SLC71A1: variants seen among roughly 807,000 people sequenced by gnomAD.
The protein encoded by SLC71A1 is solute carrier family 71 member 1, also known as hippocampus abundant gene transcript 1.
chr1:100,054,183 A>G, the SLC71A1 span, among the ~76,000 whole-genome samples: 1 of 151,530 alleles, frequency 6.6e-6, no homozygotes, highest in African/African-American at 2.4e-5. Context: ...CTGGAATTAC[A>G]GGTGCATGTC....
chr1:100,039,504 T>C, the SLC71A1 span, among the ~76,000 whole-genome samples: 3 of 152,242 alleles, frequency 2.0e-5, no homozygotes, highest in Admixed American at 2.0e-4. Context: ...AGTTTAACGT[T>C]TATTATATGT....
At chr1:100,049,953 C>T in the SLC71A1 span, 2 of 1,610,732 alleles carry the variant, frequency 1.2e-6, no homozygotes. Context: ...CAGTTATCGT[C>T]ATCTTTTTGG....
the SLC71A1 span, among the ~76,000 whole-genome samples, chr1:100,053,100 T>G: frequency 1.1e-3 from 167 of 152,354 alleles, no homozygotes; most frequent in African/African-American, 3.7e-3. Context: ...ATCTACTTTT[T>G]AGAAGTGACC....
the SLC71A1 span, among the ~76,000 whole-genome samples, chr1:100,060,182 T>C: frequency 6.6e-6 from 1 of 152,228 alleles, no homozygotes; most frequent in African/African-American, 2.4e-5. Flanking sequence ...AGGTAATAGT[T>C]CATAAAGATT....
At chr1:100,052,006 A>G in the SLC71A1 span, among the ~76,000 whole-genome samples, 1 of 152,180 alleles carries the variant, frequency 6.6e-6, no homozygotes, top group South Asian at 2.1e-4. Flanking sequence ...TCTGACAGTA[A>G]GCTGCAGTGT....
the SLC71A1 span, chr1:100,038,129 G>A: frequency 4.0e-6 from 4 of 999,238 alleles, no homozygotes; most frequent in Non-Finnish European, 6.1e-6. Flanking sequence ...GGCGGCGGGC[G>A]CCCAGAGCGG....
the SLC71A1 span, among the ~76,000 whole-genome samples, chr1:100,073,586 A>G: frequency 3.3e-5 from 5 of 152,082 alleles, no homozygotes; most frequent in African/African-American, 1.2e-4. Context: ...GCCCTGTTTT[A>G]TTTTGTTCAT....
chr1:100,083,334 C>CTGTT, the SLC71A1 span: 1 of 152,282 alleles, frequency 6.6e-6, no homozygotes, highest in Non-Finnish European at 1.5e-5. Flanking sequence ...TGTAAATATT[C>CTGTT]TGTTAATAAA....
chr1:100,075,143 T>G, the SLC71A1 span, among the ~76,000 whole-genome samples: 2 of 152,324 alleles, frequency 1.3e-5, no homozygotes, highest in Non-Finnish European at 2.9e-5. Flanking sequence ...AAGTGTCAGC[T>G]TTCTTAGACT....
At chr1:100,048,511 A>G in the SLC71A1 span, among the ~76,000 whole-genome samples, 3 of 152,022 alleles carry the variant, frequency 2.0e-5, no homozygotes, top group East Asian at 5.8e-4. Flanking sequence ...TTATATTACT[A>G]TGCTTGTTCC....
the SLC71A1 span, among the ~76,000 whole-genome samples, chr1:100,065,115 C>T: frequency 6.6e-6 from 1 of 152,150 alleles, no homozygotes; most frequent in African/African-American, 2.4e-5. Flanking sequence ...CTCAAGTGAT[C>T]TGCCTGTCTC....
At chr1:100,060,364 AG>A in the SLC71A1 span, among the ~76,000 whole-genome samples, 4 of 152,240 alleles carry the variant, frequency 2.6e-5, no homozygotes, top group Admixed American at 2.6e-4. Context: ...TATATTAGTT[AG>A]GAATAGGTTT....
At chr1:100,059,239 AC>A in the SLC71A1 span, among the ~76,000 whole-genome samples, 2 of 144,970 alleles carry the variant, frequency 1.4e-5, no homozygotes, top group Non-Finnish European at 3.0e-5. Context: ...ACTGCTGAGA[AC>A]CTCTGCCTCC....
At chr1:100,050,180 T>C in the SLC71A1 span, among the ~76,000 whole-genome samples, 1 of 152,096 alleles carries the variant, frequency 6.6e-6, no homozygotes, top group African/African-American at 2.4e-5. Flanking sequence ...TTACCTTTTT[T>C]TGGGAGGGGG....
At chr1:100,052,673 G>T in the SLC71A1 span, among the ~76,000 whole-genome samples, 3 of 151,718 alleles carry the variant, frequency 2.0e-5, no homozygotes, top group Admixed American at 2.0e-4. Flanking sequence ...CTCGTGATCC[G>T]CCCGCCTTGG....
At chr1:100,060,100 A>G in the SLC71A1 span, 1 of 1,211,132 alleles carries the variant, frequency 8.3e-7, no homozygotes, top group Non-Finnish European at 1.1e-6. Context: ...CATCTTGGTT[A>G]TGAGGTTTTA....
chr1:100,052,984 A>G, the SLC71A1 span, among the ~76,000 whole-genome samples: 3 of 151,716 alleles, frequency 2.0e-5, no homozygotes, highest in African/African-American at 7.3e-5. Context: ...GGGTTTCACC[A>G]CATTGGCCAG....
At chr1:100,049,074 T>G in the SLC71A1 span, among the ~76,000 whole-genome samples, 1 of 152,260 alleles carries the variant, frequency 6.6e-6, no homozygotes, top group South Asian at 2.1e-4. Flanking sequence ...ATTTCTTGTT[T>G]GAGCTGATTC....
At chr1:100,059,675 A>G in the SLC71A1 span, among the ~76,000 whole-genome samples, 1 of 152,032 alleles carries the variant, frequency 6.6e-6, no homozygotes, top group African/African-American at 2.4e-5. Flanking sequence ...TTTAATACCT[A>G]CCTGGAGCCC....
Sources: allele counts gnomAD v4.1 joint callset (sites outside exome capture counted in the v4.1 genomes callset), GRCh38; gene constraint gnomAD v4.1.1; transcripts MANE v1.5; gene names NCBI Gene and HGNC (gene_info 2026-07-23, HGNC 2026-07-21).